The following COLEC10 variants were observed in gnomAD, a reference collection of about 807,000 sequenced individuals.
COLEC10 encodes collectin-10.
COLEC10 carries 22 observed loss-of-function variants against 28.4 expected under a neutral mutation model. That is an observed-to-expected ratio of 0.78 (90% CI 0.55 to 1.11). COLEC10 has a LOEUF of 1.11. COLEC10 is among the 50% of genes least tolerant of loss of function. The pLI, the probability that COLEC10 is intolerant of heterozygous loss-of-function variation, is 0.00. For synonymous variants in COLEC10, 125 were observed against 116.1 expected, an observed-to-expected ratio of 1.08 and a Z score of -0.49; for missense variants, 361 against 344.1, an observed-to-expected ratio of 1.05 and a Z score of -0.39.
intron 2 of COLEC10, among the ~76,000 whole-genome samples, chr8:119,051,322 G>GA (rs1370219361): frequency 6.6e-6 from 1 of 152,160 alleles, no homozygotes; most frequent in African/African-American, 2.4e-5. Flanking sequence ...TAGCAAATTA[G>GA]AAAATCTAAA....
At chr8:119,002,670 C>T (rs1036641969) in intron 1 of COLEC10, among the ~76,000 whole-genome samples, 1 of 152,038 alleles carries the variant, frequency 6.6e-6, no homozygotes, top group Non-Finnish European at 1.5e-5. Context: ...TGCCTTCTAG[C>T]CACTACAAGT....
intron 3 of COLEC10, 121 bp from the exon 4 acceptor site, chr8:119,102,227 C>G (rs1035077654): frequency 3.8e-6 from 1 of 264,694 alleles, no homozygotes; most frequent in Non-Finnish European, 7.2e-6. Flanking sequence ...TCCCTCCCTC[C>G]CTCCCTCCCT....
chr8:118,993,365 TTG>T (rs200542694), upstream of COLEC10, among the ~76,000 whole-genome samples: 2,303 of 152,276 alleles, frequency 0.015, 71 homozygotes, highest in African/African-American at 0.052. Flanking sequence ...TCATTTTGTT[TTG>T]TTTTGAGCCA....
At chr8:118,981,967 C>T in the COLEC10 span, among the ~76,000 whole-genome samples, 11 of 150,680 alleles carry the variant, frequency 7.3e-5, no homozygotes, top group Admixed American at 2.0e-4. Flanking sequence ...ATCTATTCTC[C>T]GTATGACTCT....
intron 2 of COLEC10, among the ~76,000 whole-genome samples, chr8:119,020,732 G>A (rs564798759): frequency 2.6e-5 from 4 of 152,268 alleles, no homozygotes; most frequent in African/African-American, 9.6e-5. Flanking sequence ...CTCTTGAAAT[G>A]TCCTGAAGGC....
the COLEC10 span, among the ~76,000 whole-genome samples, chr8:118,967,497 A>G: frequency 6.6e-6 from 1 of 152,192 alleles, no homozygotes; most frequent in Non-Finnish European, 1.5e-5. Context: ...GCCTTAGTTT[A>G]CTTACTTGTA....
At chr8:119,001,200 T>C (rs905243203) in intron 1 of COLEC10, among the ~76,000 whole-genome samples, 1 of 152,010 alleles carries the variant, frequency 6.6e-6, no homozygotes, top group Non-Finnish European at 1.5e-5. Context: ...GTGGAAAAAT[T>C]TGAGAAAGCG....
chr8:119,102,658 C>A (rs948467804), intron 4 of COLEC10: 8 of 371,504 alleles, frequency 2.2e-5, no homozygotes. Context: ...CATCAGGAAG[C>A]AGCCTAATTC....
At chr8:119,085,833 G>C (rs1815470803) in intron 1 of COLEC10, among the ~76,000 whole-genome samples, 2 of 151,686 alleles carry the variant, frequency 1.3e-5, no homozygotes, top group East Asian at 3.9e-4. Context: ...GGTCAGGCTG[G>C]TCTTGAACTC....
chr8:119,102,924 T>C (rs1349320361), intron 4 of COLEC10, among the ~76,000 whole-genome samples: 2 of 152,180 alleles, frequency 1.3e-5, no homozygotes, highest in South Asian at 2.1e-4. Context: ...ATTGTTTCTA[T>C]CCACAGAGGT....
At chr8:119,042,658 G>T (rs762697097) in intron 2 of COLEC10, among the ~76,000 whole-genome samples, 1 of 152,162 alleles carries the variant, frequency 6.6e-6, no homozygotes, top group Non-Finnish European at 1.5e-5. Context: ...TTAGATTTCA[G>T]ATACATTCGG....
At chr8:119,026,758 T>C (rs1200444231) in intron 2 of COLEC10, among the ~76,000 whole-genome samples, 9 of 152,148 alleles carry the variant, frequency 5.9e-5, no homozygotes. Flanking sequence ...CGTGGGAACA[T>C]CCAACAAAGC....
intron 1 of COLEC10, among the ~76,000 whole-genome samples, chr8:119,001,058 T>C (rs1403319481): frequency 6.6e-6 from 1 of 152,160 alleles, no homozygotes; most frequent in Non-Finnish European, 1.5e-5. Context: ...TCCAACCTTT[T>C]CATATGAGTG....
At chr8:118,990,380 T>C in the COLEC10 span, among the ~76,000 whole-genome samples, 3 of 152,212 alleles carry the variant, frequency 2.0e-5, no homozygotes, top group Admixed American at 2.0e-4. Flanking sequence ...TATGTAAACA[T>C]TCATGTGTAG....
chr8:119,036,279 C>T (rs940199802), intron 2 of COLEC10, among the ~76,000 whole-genome samples: 8 of 152,172 alleles, frequency 5.3e-5, no homozygotes, highest in Non-Finnish European at 1.2e-4. Flanking sequence ...AGGTACAAAA[C>T]GTACTGTTGA....
rs774154934 is a variant in COLEC10, at chr8:119,102,338, T to G, written c.293-10T>G. The G allele has an allele frequency of 1.3e-6, 2 of 1,572,748 alleles. No homozygotes were observed. Among genetic ancestry groups the G allele is most frequent in the Non-Finnish European group, 1.7e-6 (2 of 1,148,472 alleles). On this transcript the variant is annotated splice_polypyrimidine_tract_variant and intron_variant, in intron 3 of 5. Coordinates refer to ENST00000332843, the MANE Select transcript of COLEC10 (RefSeq NM_006438.5). Reference sequence around the variant, plus strand: ...TTTATTTTATTTTGGTTGCTATTGTTTTTTTTCAGGTGACAAAGGGGAAAA... The same window carrying G: ...TTTATTTTATTTTGGTTGCTATTGTGTTTTTTCAGGTGACAAAGGGGAAAA...
In COLEC10 at chr8:119,103,782, G is replaced by GT. The variant is rs1399539588; in HGVS notation, c.347-13dup. On this transcript the variant is annotated splice_polypyrimidine_tract_variant and intron_variant, in intron 4 of 5. Transcript: ENST00000332843. The stretch of plus-strand genomic sequence containing the variant: ...GCAGGTACTTCAACATGAATTCACA[G>GT]TTTTTGTCATTTAAAAGGTACTGTC... The GT allele has an allele frequency of 3.9e-6, 6 of 1,527,560 alleles. No homozygotes were observed. Among genetic ancestry groups the GT allele is most frequent in the Non-Finnish European group, 5.4e-6 (6 of 1,102,310 alleles). The allele number at this position is 1,527,560 out of a possible 1,614,324, so 94.6% of individuals were successfully genotyped here. A position where few individuals can be genotyped will look rare whatever the true frequency, so the allele number is the denominator to read the frequency against.
In COLEC10 at chr8:119,101,941, T is replaced by C. The variant is rs536985324; in HGVS notation, c.293-407T>C. On this transcript the variant is annotated intron_variant, in intron 3 of 5. Transcript: ENST00000332843. ...AATGGTAGTTTTAAAATTGAAAACA[T>C]GCTGAGAATTGTATTAGCCTTGTTC... Among the ~76,000 whole-genome samples the C allele has an allele frequency of 2.0e-5, 3 of 152,182 alleles. No individual in the cohort carries two copies. In the East Asian group the frequency reaches 5.8e-4, roughly 29 times the overall value.
At chr8:119,028,198 A>G (rs1215349033) in intron 2 of COLEC10, among the ~76,000 whole-genome samples, 1 of 151,424 alleles carries the variant, frequency 6.6e-6, no homozygotes, top group African/African-American at 2.4e-5. Context: ...TGTGTCTGGC[A>G]TATTAAATGA....
Sources: allele counts gnomAD v4.1 joint callset (sites outside exome capture counted in the v4.1 genomes callset), GRCh38; gene constraint gnomAD v4.1.1; transcripts MANE v1.5; gene names NCBI Gene and HGNC (gene_info 2026-07-23, HGNC 2026-07-21).